The following FAM13A variants were observed in gnomAD, a reference collection of about 807,000 sequenced individuals.
The protein encoded by FAM13A is family with sequence similarity 13 member A, also known as protein FAM13A.
FAM13A carries 76 observed loss-of-function variants against 129.6 expected under a neutral mutation model. That is an observed-to-expected ratio of 0.59 (90% CI 0.49 to 0.71). FAM13A has a LOEUF of 0.71. FAM13A is among the 30% of genes least tolerant of loss of function. The pLI, the probability that FAM13A is intolerant of heterozygous loss-of-function variation, is 0.00. For missense variants in FAM13A, 1,108 were observed against 1,249.3 expected, an observed-to-expected ratio of 0.89 and a Z score of 1.70; for synonymous variants, 443 against 449.9, an observed-to-expected ratio of 0.98 and a Z score of 0.20.
intron 2 of FAM13A, among the ~76,000 whole-genome samples, chr4:89,025,258 T>G (rs976141598): frequency 4.2e-5 from 5 of 119,642 alleles, no homozygotes; most frequent in African/African-American, 1.2e-4. Context: ...TTTTTTTTTT[T>G]TTTTTTTTTT....
intron 1 of FAM13A, among the ~76,000 whole-genome samples, chr4:89,050,921 T>C (rs537756649): frequency 6.6e-6 from 1 of 151,968 alleles, no homozygotes; most frequent in African/African-American, 2.4e-5. Flanking sequence ...GAGCAAGACT[T>C]CTATCTCCAA....
chr4:88,981,146 T>C (rs1041607069), intron 4 of FAM13A, among the ~76,000 whole-genome samples: 2 of 83,430 alleles, frequency 2.4e-5, no homozygotes, highest in African/African-American at 9.2e-5. Flanking sequence ...TACCTATCTA[T>C]AGACGAAAGG....
At chr4:88,843,059 T>C (rs1271384222) in intron 7 of FAM13A, among the ~76,000 whole-genome samples, 3 of 152,218 alleles carry the variant, frequency 2.0e-5, no homozygotes, top group Non-Finnish European at 4.4e-5. Context: ...TATTTTTTCA[T>C]GGGAGCTAGT....
At chr4:88,776,062 TAG>T (rs1721648777) in intron 11 of FAM13A, among the ~76,000 whole-genome samples, 1 of 152,194 alleles carries the variant, frequency 6.6e-6, no homozygotes, top group Non-Finnish European at 1.5e-5. Flanking sequence ...AAGTTGTTCG[TAG>T]ATAAGAGACC....
chr4:88,890,377 T>C (rs552721422), intron 6 of FAM13A, among the ~76,000 whole-genome samples: 1 of 152,318 alleles, frequency 6.6e-6, no homozygotes, highest in Non-Finnish European at 1.5e-5. Flanking sequence ...AAGCTGGATA[T>C]GCACTGGATT....
chr4:88,822,604 A>G (rs1732214294), intron 7 of FAM13A, among the ~76,000 whole-genome samples: 1 of 152,240 alleles, frequency 6.6e-6, no homozygotes, highest in Non-Finnish European at 1.5e-5. Flanking sequence ...CAGCCTATCA[A>G]CATCCTTTAA....
At chr4:88,981,673 GGCAA>G (rs1450686777) in intron 4 of FAM13A, among the ~76,000 whole-genome samples, 1 of 152,154 alleles carries the variant, frequency 6.6e-6, no homozygotes, top group African/African-American at 2.4e-5. Context: ...GAGAAAAGGA[GGCAA>G]GCAGGGATAT....
chr4:89,020,623 C>A lies in FAM13A; in HGVS notation c.264G>T (p.Val88=). 6.2e-7 allele frequency: 1 copy of A among 1,614,136 alleles called. No homozygotes were observed. The highest frequency in any genetic ancestry group is 2.2e-5 in the East Asian group (1 of 44,870). The part of the protein sequence containing the change: ...GLFRVNGNVK[V]VEQLRLKFES... ...CGAACTTCAGTCGAAGTTGTTCCAC[C>A]ACCTTCACGTTACCATTCACCCTAA... The change falls in exon 3 of 24, where the codon GTG becomes GTT. Residue 88 remains valine, a synonymous_variant. Transcript: ENST00000264344.
At chr4:88,779,900 A>G (rs888707500) in intron 11 of FAM13A, among the ~76,000 whole-genome samples, 2 of 152,186 alleles carry the variant, frequency 1.3e-5, no homozygotes, top group Non-Finnish European at 2.9e-5. Flanking sequence ...TTCACACTAT[A>G]AAGCCAAGTC....
intron 10 of FAM13A, 120 bp downstream of exon 10, chr4:88,787,633 C>A: frequency 3.4e-6 from 3 of 883,094 alleles, no homozygotes; most frequent in Non-Finnish European, 5.1e-6. Flanking sequence ...AAAGTTTTAA[C>A]CTAAATACTG....
chr4:88,955,284 A>G (rs938456403), intron 4 of FAM13A, among the ~76,000 whole-genome samples: 8 of 152,102 alleles, frequency 5.3e-5, no homozygotes, highest in African/African-American at 1.9e-4. Flanking sequence ...ACCAGGGAAA[A>G]GACCTCTATT....
At chr4:88,740,469 T>C (rs1406603351) in intron 19 of FAM13A, among the ~76,000 whole-genome samples, 1 of 152,242 alleles carries the variant, frequency 6.6e-6, no homozygotes, top group South Asian at 2.1e-4. Flanking sequence ...GAAACATAAA[T>C]AGGTGTGCCT....
intron 6 of FAM13A, among the ~76,000 whole-genome samples, chr4:88,894,600 C>A (rs1188919151): frequency 6.6e-6 from 1 of 152,182 alleles, no homozygotes; most frequent in African/African-American, 2.4e-5. Context: ...TGGCTCACTG[C>A]AACCTCAGCC....
At position 88,750,428 on chromosome 4, in the gene FAM13A, T is replaced by G. The variant is rs1742323692; in HGVS notation, c.1936A>C (p.Met646Leu). The G allele has an allele frequency of 6.2e-7, 1 of 1,612,744 alleles. No individual in the cohort carries two copies. Among genetic ancestry groups the G allele is most frequent in the East Asian group, 2.2e-5 (1 of 44,860 alleles). Residue 646 changes from methionine (M) to leucine (L), a missense_variant, in exon 15 of 24, where the codon ATG becomes CTG. Coordinates refer to ENST00000264344, the MANE Select transcript of FAM13A (RefSeq NM_014883.4). ...PPSPPNSHSF[M>L]RRRSSSLGSY... ...CAGCAACACAGAGAAACATACCTCA[T>G]GAAAGAATGGGAGTTTGGTGGGGAA...
intron 3 of FAM13A, among the ~76,000 whole-genome samples, chr4:89,019,761 C>CAAA (rs61682568): frequency 1.1e-3 from 64 of 57,716 alleles, no homozygotes; most frequent in Non-Finnish European, 1.5e-3. Context: ...AACTACATCT[C>CAAA]AAAAAAAAAA....
chr4:88,890,620 A>G (rs1213457646), intron 6 of FAM13A, among the ~76,000 whole-genome samples: 1 of 152,236 alleles, frequency 6.6e-6, no homozygotes, highest in African/African-American at 2.4e-5. Context: ...AAAGATCTCT[A>G]TATGGACAAT....
intron 19 of FAM13A, among the ~76,000 whole-genome samples, chr4:88,744,314 G>A (rs1362240288): frequency 2.0e-5 from 3 of 152,126 alleles, no homozygotes; most frequent in Non-Finnish European, 4.4e-5. Context: ...GCACTTCTGT[G>A]ACATGGTCTT....
intron 5 of FAM13A, among the ~76,000 whole-genome samples, chr4:88,922,161 G>A (rs1305789316): frequency 6.6e-6 from 1 of 151,984 alleles, no homozygotes; most frequent in Admixed American, 6.6e-5. Flanking sequence ...AAGTTAACAA[G>A]GATACCCAGG....
At chr4:88,740,139 T>C (rs1578437502) in intron 19 of FAM13A, among the ~76,000 whole-genome samples, 1 of 152,170 alleles carries the variant, frequency 6.6e-6, no homozygotes, top group South Asian at 2.1e-4. Context: ...TACCCTGCCA[T>C]GGCTTCCTCT....
Sources: allele counts gnomAD v4.1 joint callset (sites outside exome capture counted in the v4.1 genomes callset), GRCh38; gene constraint gnomAD v4.1.1; transcripts MANE v1.5; gene names NCBI Gene and HGNC (gene_info 2026-07-23, HGNC 2026-07-21).